Variants in ASCC1 observed in about 807,000 individuals in gnomAD.
ASCC1 encodes the protein activating signal cointegrator 1 complex subunit 1.
Under a neutral mutation model 46.6 loss-of-function variants are expected in ASCC1, and 35 were observed. That is an observed-to-expected ratio of 0.75 (90% CI 0.57 to 0.99). The LOEUF (loss-of-function observed/expected upper bound fraction) is 0.99, where lower values mean the gene tolerates loss of function less well. Among genes scored for constraint, ASCC1 ranks in the 50% least tolerant of loss-of-function variants. The pLI, the probability that ASCC1 is intolerant of heterozygous loss-of-function variation, is 0.00. For missense variants in ASCC1, 376 were observed against 428.7 expected (o/e 0.88, Z 1.09); for synonymous variants, 143 against 146.6 (o/e 0.98, Z 0.18).
intron 3 of ASCC1, among the ~76,000 whole-genome samples, chr10:72,205,886 C>T (rs1180393557): frequency 6.6e-6 from 1 of 151,760 alleles, no homozygotes; most frequent in Admixed American, 6.6e-5. Flanking sequence ...GGTGGATCAC[C>T]TGAGGTCAGG....
chr10:72,196,974 T>C lies in ASCC1; in HGVS notation c.326A>G (p.His109Arg). Residue 109 changes from histidine to arginine, a missense_variant, in exon 5 of 10, where the codon CAT becomes CGT. Physicochemically the swap from His to Arg is conservative, Grantham distance 29. Transcript: ENST00000672957. ...TCGGGCTGAAATTACACCATTTCGATGCTGGCCAGTGATTACTGTAAACAA... is the reference window on the plus strand; with the variant it reads ...TCGGGCTGAAATTACACCATTTCGACGCTGGCCAGTGATTACTGTAAACAA... ...QDGEIVITGQ[H>R]RNGVISARTR... is the part of the protein sequence containing the mutation. 1.2e-6 allele frequency: 2 copies of C among 1,613,628 alleles called. No individual in the cohort carries two copies. Among genetic ancestry groups the C allele is most frequent in the Non-Finnish European group, 1.7e-6 (2 of 1,180,018 alleles).
intron 5 of ASCC1, among the ~76,000 whole-genome samples, chr10:72,184,581 C>T (rs1053536533): frequency 4.0e-5 from 6 of 151,834 alleles, no homozygotes; most frequent in African/African-American, 1.5e-4. Flanking sequence ...TATTTCATAA[C>T]TATAAAAGGA....
At chr10:72,172,934 TTTATA>T (rs1182539614) in intron 5 of ASCC1, among the ~76,000 whole-genome samples, 1 of 138,236 alleles carries the variant, frequency 7.2e-6, no homozygotes, top group Non-Finnish European at 1.5e-5. Context: ...TATTATATAT[TTTATA>T]TTATATATTA....
chr10:72,152,022 C>A (rs371023206), intron 7 of ASCC1, among the ~76,000 whole-genome samples: 16 of 141,884 alleles, frequency 1.1e-4, no homozygotes, highest in African/African-American at 3.9e-4. Flanking sequence ...GACAGGGTCT[C>A]GCTCTGTCAC....
At chr10:72,141,080 G>GATAGATAGATAGATAGAT (rs759813544) in intron 7 of ASCC1, among the ~76,000 whole-genome samples, 120 of 141,122 alleles carry the variant, frequency 8.5e-4, no homozygotes, top group South Asian at 1.9e-3. Context: ...TAGATAGATA[G>GATAGATAGATAGATAGAT]ATAGATATAG....
At chr10:72,150,285 A>G (rs1848173717) in intron 7 of ASCC1, among the ~76,000 whole-genome samples, 1 of 152,102 alleles carries the variant, frequency 6.6e-6, no homozygotes, top group East Asian at 1.9e-4. Context: ...CTTGCTTCCA[A>G]ATGAAATGAG....
At chr10:72,115,343 G>GA (rs1394139061) in intron 9 of ASCC1, among the ~76,000 whole-genome samples, 1 of 152,138 alleles carries the variant, frequency 6.6e-6, no homozygotes, top group African/African-American at 2.4e-5. Context: ...GTAGGGAGAG[G>GA]GGGGTAGCTG....
At chr10:72,132,798 T>C (rs988398980) in intron 8 of ASCC1, among the ~76,000 whole-genome samples, 1 of 151,996 alleles carries the variant, frequency 6.6e-6, no homozygotes, top group Non-Finnish European at 1.5e-5. Context: ...TCACTGTTTA[T>C]ATAAAATTTA....
At chr10:72,191,368 G>GT (rs1227758777) in intron 5 of ASCC1, among the ~76,000 whole-genome samples, 1 of 151,284 alleles carries the variant, frequency 6.6e-6, no homozygotes, top group Non-Finnish European at 1.5e-5. Context: ...CCTGGCTGTT[G>GT]TATCTTGTTT....
At chr10:72,139,068 T>C (rs1224185355) in intron 7 of ASCC1, among the ~76,000 whole-genome samples, 1 of 152,108 alleles carries the variant, frequency 6.6e-6, no homozygotes, top group Non-Finnish European at 1.5e-5. Context: ...ACATAATCGT[T>C]AAATTTCAGG....
At chr10:72,107,304 C>A (rs576063535) in intron 9 of ASCC1, among the ~76,000 whole-genome samples, 1 of 52,094 alleles carries the variant, frequency 1.9e-5, no homozygotes, top group East Asian at 2.9e-4. Context: ...AATAAGTTAC[C>A]CCCCCCCCAA....
chr10:72,184,992 A>C (rs1853244602), intron 5 of ASCC1, among the ~76,000 whole-genome samples: 1 of 152,238 alleles, frequency 6.6e-6, no homozygotes, highest in Non-Finnish European at 1.5e-5. Flanking sequence ...AGGCAGATAC[A>C]CAAATGGCCA....
At chr10:72,193,951 C>T (rs1854958816) in intron 5 of ASCC1, among the ~76,000 whole-genome samples, 1 of 151,722 alleles carries the variant, frequency 6.6e-6, no homozygotes, top group Non-Finnish European at 1.5e-5. Flanking sequence ...TCTCCTGCCT[C>T]AGCCTCACGA....
intron 8 of ASCC1, among the ~76,000 whole-genome samples, chr10:72,132,095 CTAAA>C (rs1845679998): frequency 6.6e-6 from 1 of 152,054 alleles, no homozygotes; most frequent in East Asian, 1.9e-4. Flanking sequence ...TCTTGAACTC[CTAAA>C]TGCAAGTGAT....
chr10:72,147,310 G>A (rs1847757548), intron 7 of ASCC1, among the ~76,000 whole-genome samples: 2 of 152,040 alleles, frequency 1.3e-5, no homozygotes, highest in Admixed American at 1.3e-4. Flanking sequence ...CTAGAGTGCT[G>A]TGTCACGATC....
chr10:72,196,971 C>G lies in ASCC1; in HGVS notation c.329G>C (p.Arg110Pro). 1 of 1,613,542 alleles carries G rather than the reference C, an allele frequency of 6.2e-7. No individual in the cohort carries two copies. Residue 110 changes from arginine to proline, a missense_variant, in exon 5 of 10, where the codon CGA becomes CCA. Transcript: ENST00000672957. Reference protein sequence around the residue: ...DGEIVITGQHRNGVISARTRI... With the variant: ...DGEIVITGQHPNGVISARTRI... ...TGTTCGGGCTGAAATTACACCATTTCGATGCTGGCCAGTGATTACTGTAAA... is the reference window on the plus strand; with the variant it reads ...TGTTCGGGCTGAAATTACACCATTTGGATGCTGGCCAGTGATTACTGTAAA...
intron 4 of ASCC1, among the ~76,000 whole-genome samples, chr10:72,201,968 G>A (rs1340075725): frequency 6.6e-6 from 1 of 151,040 alleles, no homozygotes; most frequent in East Asian, 2.0e-4. Flanking sequence ...AGGACTAAAA[G>A]GCCGGGCATG....
intron 9 of ASCC1, among the ~76,000 whole-genome samples, chr10:72,098,768 TA>T (rs1841389868): frequency 6.6e-6 from 1 of 152,232 alleles, no homozygotes; most frequent in African/African-American, 2.4e-5. Context: ...CCCAAAGATC[TA>T]TTTAGAGGTT....
chr10:72,102,394 G>A lies in ASCC1; in HGVS notation c.958-4944C>T. The A allele has an allele frequency of 2.6e-6, 4 of 1,549,960 alleles. No individual in the cohort carries two copies. In the South Asian group the frequency reaches 3.6e-5, roughly 14 times the overall value. The stretch of plus-strand genomic sequence containing the variant: ...CTAGGATTTTCCTGGTAGGCTCTGA[G>A]AATATGCATCAGAGACACCTGTAGC... On this transcript the variant is annotated intron_variant, in intron 9 of 9. Transcript: ENST00000672957.
Sources: gnomAD v4.1 joint callset for allele counts (sites outside exome capture counted in the v4.1 genomes callset) on GRCh38, gnomAD v4.1.1 for gene constraint, MANE v1.5 for transcripts, NCBI Gene and HGNC (gene_info 2026-07-23, HGNC 2026-07-21) for gene names.